The following BMP2K variants were observed in gnomAD, a reference collection of about 807,000 sequenced individuals.
BMP2K encodes the protein BMP2 inducible kinase, also known as BMP-2-inducible protein kinase.
Under a neutral mutation model 116.0 loss-of-function variants are expected in BMP2K, and 74 were observed. That is an observed-to-expected ratio of 0.64 (90% CI 0.53 to 0.77). The LOEUF (loss-of-function observed/expected upper bound fraction) is 0.77, where lower values mean the gene tolerates loss of function less well. BMP2K is among the 30% of genes least tolerant of loss of function. BMP2K has a pLI of 0.00. For missense variants in BMP2K, 1,365 were observed against 1,403.6 expected (o/e 0.97, Z 0.44); for synonymous variants, 486 against 502.5 (o/e 0.97, Z 0.44).
intron 1 of BMP2K, among the ~76,000 whole-genome samples, chr4:78,808,167 G>C (rs1288062288): frequency 2.0e-5 from 3 of 151,326 alleles, no homozygotes; most frequent in African/African-American, 7.3e-5. Context: ...CCATTCTCCT[G>C]TCTCAGCCTC....
chr4:78,851,205 T>A, intron 7 of BMP2K, 149 bp downstream of exon 7: 1 of 854,836 alleles, frequency 1.2e-6, no homozygotes, highest in Non-Finnish European at 1.7e-6. Context: ...AAAAAGTGTT[T>A]AAAAACTTAC....
At chr4:78,861,244 TGTGAATAATTTATAGGTATCTGA>T in intron 8 of BMP2K, 122 bp from the exon 9 acceptor site, 3 of 545,328 alleles carry the variant, frequency 5.5e-6, no homozygotes, top group Non-Finnish European at 9.6e-6. Flanking sequence ...GGCAAATACA[TGTGAATAATTTATAGGTATCTGA>T]TGTGAAAGTA....
intron 7 of BMP2K, 62 bp from the exon 8 acceptor site, chr4:78,859,522 G>T: frequency 2.0e-6 from 2 of 1,001,592 alleles, no homozygotes; most frequent in East Asian, 5.2e-5. Flanking sequence ...CTTATAATGT[G>T]CCCCTAAGTA....
At chr4:78,894,661 C>T (rs6857012) in intron 15 of BMP2K, among the ~76,000 whole-genome samples, 19,556 of 152,172 alleles carry the variant, frequency 0.13, 2,286 homozygotes, top group African/African-American at 0.31. Flanking sequence ...TCCTTTCTTA[C>T]CGTTCATCAC....
At chr4:78,879,316 A>G (rs955589742) in intron 14 of BMP2K, 24 of 993,490 alleles carry the variant, frequency 2.4e-5, no homozygotes, top group Non-Finnish European at 2.6e-5. Flanking sequence ...CCTGAAAGAA[A>G]ACATGGGCTA....
rs1273591417 is a variant in BMP2K, at chr4:78,797,667, TTCTC to T, written c.178+20949_178+20952del. On this transcript the variant is annotated intron_variant, in intron 1 of 15. Transcript: ENST00000502613. ...ATCATTTTTATTAAGTTTTAAAAGT[TTCTC>T]TCAGTAAAGTTATTCTTCATTTAGG... 8.5e-5 allele frequency among the ~76,000 whole-genome samples: 13 copies of T among 152,322 alleles called. No individual in the cohort carries two copies. The South Asian group carries it at 2.1e-3, about 24-fold the overall frequency.
intron 2 of BMP2K, among the ~76,000 whole-genome samples, chr4:78,830,278 A>G (rs1168409424): frequency 6.6e-6 from 1 of 152,208 alleles, no homozygotes; most frequent in East Asian, 1.9e-4. Flanking sequence ...TTTTCTGAGC[A>G]GTAGATTTCA....
rs1452689955 is a variant in BMP2K, at chr4:78,913,744, T to C, written c.*1711T>C. 6.6e-6 allele frequency: 1 copy of C among 152,192 alleles called. No homozygotes were observed. The highest frequency in any genetic ancestry group is 1.5e-5 in the Non-Finnish European group (1 of 68,002). 9.4% of individuals were successfully genotyped at this position (152,192 alleles called of 1,614,324 possible). A position where few individuals can be genotyped will look rare whatever the true frequency, so the allele number is the denominator to read the frequency against. On this transcript the variant is annotated 3_prime_UTR_variant, in exon 16 of 16. Transcript: ENST00000502613. ...ACATATTTGTCTTTTTATTGCTTTTTCCCTTCTTTTATATGCTAAATCAAA... is the reference window on the plus strand; with the variant it reads ...ACATATTTGTCTTTTTATTGCTTTTCCCCTTCTTTTATATGCTAAATCAAA...
At chr4:78,889,138 G>A (rs1200879525) in intron 15 of BMP2K, among the ~76,000 whole-genome samples, 3 of 150,028 alleles carry the variant, frequency 2.0e-5, no homozygotes, top group African/African-American at 4.9e-5. Flanking sequence ...GGAGAATGGC[G>A]TGAACCCGGG....
chr4:78,912,770 A>T lies in BMP2K; in HGVS notation c.*737A>T, dbSNP rs182387247. 71 of 151,248 alleles carry T rather than the reference A, an allele frequency of 4.7e-4. No homozygotes were observed. Among genetic ancestry groups the T allele is most frequent in the African/African-American group, 1.6e-3 (65 of 41,126 alleles). The allele number at this position is 151,248 out of a possible 1,614,324, so 9.4% of individuals were successfully genotyped here. On this transcript the variant is annotated 3_prime_UTR_variant, in exon 16 of 16. Transcript: ENST00000502613. ...TAATTTTTGTCAGTTAAAACAAATT[A>T]AAAAAATGGACTATCGTCGCACAGA...
At position 78,785,287 on chromosome 4, in the gene BMP2K, T is replaced by G. The variant is rs567080776; in HGVS notation, c.178+8566T>G. Among the ~76,000 whole-genome samples the G allele has an allele frequency of 1.1e-4, 17 of 152,156 alleles. No individual in the cohort carries two copies. In the East Asian group the frequency reaches 2.9e-3, roughly 26 times the overall value. ...CACCACACCTGGCTAATTTTTGTAT[T>G]TTTAGTAGAGACAGGGCTTCACCGT... On this transcript the variant is annotated intron_variant, in intron 1 of 15. Transcript: ENST00000502613.
At chr4:78,808,525 C>T (rs1031750319) in intron 1 of BMP2K, among the ~76,000 whole-genome samples, 1 of 152,156 alleles carries the variant, frequency 6.6e-6, no homozygotes, top group African/African-American at 2.4e-5. Context: ...CTCAGCCTCC[C>T]AAAGTGCTGG....
intron 1 of BMP2K, among the ~76,000 whole-genome samples, chr4:78,802,808 A>G (rs1728631788): frequency 6.6e-6 from 1 of 151,410 alleles, no homozygotes; most frequent in African/African-American, 2.4e-5. Context: ...CTGCACCATT[A>G]TTATATAATC....
Position 78,915,080 on chromosome 4 carries a change from T to C in BMP2K, c.*3047T>C, listed in dbSNP as rs1224003635. On this transcript the variant is annotated 3_prime_UTR_variant, in exon 16 of 16. Coordinates refer to ENST00000502613, the MANE Select transcript of BMP2K (RefSeq NM_198892.2). ...GGAGGAGGAAAGGTTGTAGGCCGGA[T>C]GAAAATTTAACTGACTAGAACATTT... The C allele has an allele frequency of 6.6e-6, 1 of 152,050 alleles. No homozygotes were observed. The highest frequency in any genetic ancestry group is 1.5e-5 in the Non-Finnish European group (1 of 67,928). 9.4% of individuals were successfully genotyped at this position (152,050 alleles called of 1,614,324 possible).
At chr4:78,873,755 G>A (rs574292777) in intron 13 of BMP2K, among the ~76,000 whole-genome samples, 177 of 152,126 alleles carry the variant, frequency 1.2e-3, no homozygotes, top group Admixed American at 1.7e-3. Context: ...ATGGTGGGGC[G>A]GGTATGGTAG....
chr4:78,865,049 A>G (rs533358186), intron 9 of BMP2K, among the ~76,000 whole-genome samples: 3 of 152,286 alleles, frequency 2.0e-5, no homozygotes, highest in South Asian at 4.1e-4. Flanking sequence ...AAGATTCAAG[A>G]AGTTGAATGT....
rs555570833 is a variant in BMP2K at position 78,857,671 on chromosome 4, T to C, written c.884-1913T>C. Among the ~76,000 whole-genome samples, 3 of 152,240 alleles carry C rather than the reference T, an allele frequency of 2.0e-5. No individual in the cohort carries two copies. In the South Asian group the frequency reaches 6.2e-4, roughly 32 times the overall value. On this transcript the variant is annotated intron_variant, in intron 7 of 15. Transcript: ENST00000502613. Reference sequence around the variant, plus strand: ...CATTTAGGCCACTAGTCCATACTGATAGCGTGTTTAAAACATGACCCTGTG... The same window carrying C: ...CATTTAGGCCACTAGTCCATACTGACAGCGTGTTTAAAACATGACCCTGTG...
intron 1 of BMP2K, among the ~76,000 whole-genome samples, chr4:78,811,611 G>A (rs1729094355): frequency 6.6e-6 from 1 of 152,164 alleles, no homozygotes; most frequent in East Asian, 1.9e-4. Flanking sequence ...CAAAATTGAT[G>A]TATATGTGTG....
chr4:78,788,090 A>C (rs114568728), intron 1 of BMP2K, among the ~76,000 whole-genome samples: 2,954 of 151,602 alleles, frequency 0.019, 95 homozygotes, highest in African/African-American at 0.068. Flanking sequence ...CTATTTTTCT[A>C]GGGAGTGGGA....
Sources: allele counts gnomAD v4.1 joint callset (sites outside exome capture counted in the v4.1 genomes callset), GRCh38; gene constraint gnomAD v4.1.1; transcripts MANE v1.5; gene names NCBI Gene and HGNC (gene_info 2026-07-23, HGNC 2026-07-21).